PLXNA4: variants seen among roughly 807,000 people sequenced by gnomAD.
PLXNA4 encodes the protein plexin-A4.
In PLXNA4, 44 loss-of-function variants were observed where a neutral mutation model predicts 191.8. That is an observed-to-expected ratio of 0.23 (90% CI 0.18 to 0.29). The LOEUF is 0.29. Ranked by LOEUF, PLXNA4 falls within the 10% of genes least tolerant of loss-of-function variation. PLXNA4 has a pLI of 1.00. For missense variants in PLXNA4, 1,800 were observed against 2,488.8 expected (o/e 0.72, Z 5.89); for synonymous variants, 1,082 against 1,009.5 (o/e 1.07, Z -1.36).
chr7:132,246,458 C>T (rs970518749), intron 4 of PLXNA4, among the ~76,000 whole-genome samples: 1 of 152,168 alleles, frequency 6.6e-6, no homozygotes, highest in African/African-American at 2.4e-5. Context: ...TACCTCTCAC[C>T]CATTCCAAAA....
Position 132,143,956 on chromosome 7 carries a change from G to A in PLXNA4, c.5225+1163C>T, listed in dbSNP as rs11979565. On this transcript the variant is annotated intron_variant, in intron 29 of 31. Coordinates refer to ENST00000321063, the MANE Select transcript of PLXNA4 (RefSeq NM_020911.2). ...TTCAGCAGGGATAGTCTCTTCTCCC[G>A]GTGAAGAGGATGAGGAGCCAGAGTA... is the stretch of plus-strand genomic sequence containing the variant. Among the ~76,000 whole-genome samples the A allele has an allele frequency of 9.1e-3, 1,390 of 152,262 alleles. 24 individuals are homozygous for A. The highest frequency in any genetic ancestry group is 0.029 in the African/African-American group (1,218 of 41,532).
intron 7 of PLXNA4, among the ~76,000 whole-genome samples, chr7:132,226,652 T>C (rs1798334554): frequency 6.6e-6 from 1 of 152,180 alleles, no homozygotes; most frequent in South Asian, 2.1e-4. Context: ...CATGTATGTG[T>C]GTGTATGCAT....
chr7:132,378,729 T>G (rs1204708371), intron 3 of PLXNA4, among the ~76,000 whole-genome samples: 1 of 152,170 alleles, frequency 6.6e-6, no homozygotes, highest in Non-Finnish European at 1.5e-5. Flanking sequence ...ACCTCTGATA[T>G]TCTTTGAGCT....
chr7:132,254,895 G>C (rs191659187), intron 4 of PLXNA4, among the ~76,000 whole-genome samples: 21 of 152,286 alleles, frequency 1.4e-4, no homozygotes, highest in Admixed American at 7.8e-4. Context: ...GCTATATTTA[G>C]ACTAGGGGTT....
chr7:132,612,900 G>T (rs1355281757), intron 2 of PLXNA4, among the ~76,000 whole-genome samples: 1 of 151,752 alleles, frequency 6.6e-6, no homozygotes, highest in Non-Finnish European at 1.5e-5. Flanking sequence ...TATCAAAAGG[G>T]CATCAAAATG....
At chr7:132,566,183 G>A (rs1035645375) in intron 1 of PLXNA4, among the ~76,000 whole-genome samples, 1 of 152,122 alleles carries the variant, frequency 6.6e-6, no homozygotes, top group African/African-American at 2.4e-5. Context: ...GCATGGGGGG[G>A]CTCTATAATT....
At chr7:132,285,027 T>C (rs1800631765) in intron 4 of PLXNA4, among the ~76,000 whole-genome samples, 1 of 152,158 alleles carries the variant, frequency 6.6e-6, no homozygotes, top group Non-Finnish European at 1.5e-5. Context: ...GGTGGATTTT[T>C]TTTCAATAAA....
chr7:132,585,496 T>C (rs532814853), intron 2 of PLXNA4, among the ~76,000 whole-genome samples: 227 of 152,060 alleles, frequency 1.5e-3, no homozygotes, highest in Middle Eastern at 3.4e-3. Flanking sequence ...AAAGTGACCA[T>C]TGGATCACTA....
chr7:132,614,903 T>C (rs59067524), intron 2 of PLXNA4, among the ~76,000 whole-genome samples: 4,839 of 152,118 alleles, frequency 0.032, 468 homozygotes, highest in East Asian at 0.27. Context: ...GAAGGTCGCC[T>C]GTGTCCCGCC....
At chr7:132,323,695 G>C (rs10244929) in intron 3 of PLXNA4, among the ~76,000 whole-genome samples, 9,336 of 152,224 alleles carry the variant, frequency 0.061, 342 homozygotes, top group African/African-American at 0.082. Flanking sequence ...TTAGACTATA[G>C]CCATGCTTCT....
At chr7:132,353,610 A>T (rs1803577961) in intron 3 of PLXNA4, among the ~76,000 whole-genome samples, 1 of 152,142 alleles carries the variant, frequency 6.6e-6, no homozygotes, top group Non-Finnish European at 1.5e-5. Flanking sequence ...ACTTTCCTGA[A>T]GCTCGAGGAA....
chr7:132,500,803 T>C (rs1470661449), intron 2 of PLXNA4, among the ~76,000 whole-genome samples: 1 of 152,180 alleles, frequency 6.6e-6, no homozygotes, highest in Non-Finnish European at 1.5e-5. Flanking sequence ...CCGGACTCTT[T>C]ATTAAAAGGA....
Position 132,133,339 on chromosome 7 carries a change from G to T in PLXNA4, c.5439-140C>A. The T allele has an allele frequency of 3.6e-6, 5 of 1,389,922 alleles. No individual in the cohort carries two copies. The South Asian group carries it at 4.3e-5, about 12-fold the overall frequency. 86.1% of individuals were successfully genotyped at this position (1,389,922 alleles called of 1,614,324 possible). A position where few individuals can be genotyped will look rare whatever the true frequency, so the allele number is the denominator to read the frequency against. On this transcript the variant is annotated intron_variant, in intron 30 of 31. Transcript: ENST00000321063. The stretch of plus-strand genomic sequence containing the variant: ...GGGTACTTGTGCTGTGGCCACCTGG[G>T]GACCACTGTGGTCTCTCTCTCATCT...
intron 3 of PLXNA4, among the ~76,000 whole-genome samples, chr7:132,365,364 T>TGTGTGC (rs1554424583): frequency 1.7e-4 from 25 of 147,320 alleles, no homozygotes; most frequent in African/African-American, 6.1e-4. Context: ...TGTGTGTGCG[T>TGTGTGC]GCGCGCGCAT....
rs1329410548 is a variant in PLXNA4 at position 132,508,193 on chromosome 7, G to C, written c.501C>G (p.Gly167=). The stretch of plus-strand genomic sequence containing the variant: ...AGGAGACGATCACTCCAAAGACTGA[G>C]CCGCTCTCGTTGACACCTGACAGAT... ...EHYLSGVNES[G]SVFGVIVSYS... is the part of the protein sequence containing the mutation. The change falls in exon 2 of 32, where the codon GGC becomes GGG. Residue 167 remains glycine (G), a synonymous_variant. Transcript: ENST00000321063. This position sits in a 1 kb window ranked among gnomAD's most constrained non-coding sequence, Gnocchi z 4.4. The C allele has an allele frequency of 6.2e-7, 1 of 1,614,192 alleles. No individual in the cohort carries two copies.
intron 5 of PLXNA4, among the ~76,000 whole-genome samples, chr7:132,238,813 GA>G (rs373258825): frequency 4.4e-4 from 67 of 151,148 alleles, no homozygotes; most frequent in African/African-American, 6.1e-4. Flanking sequence ...AGAGTCACAA[GA>G]GGGGGGGGGG....
At chr7:132,132,915 A>G in intron 31 of PLXNA4, 134 bp downstream of exon 31, 5 of 1,298,232 alleles carry the variant, frequency 3.9e-6, no homozygotes, top group South Asian at 1.6e-5. Flanking sequence ...TCACAGCCCC[A>G]GGTCCTCAGT....
At chr7:132,384,353 C>T (rs1585062215) in intron 3 of PLXNA4, 1 of 985,324 alleles carries the variant, frequency 1.0e-6, no homozygotes, top group South Asian at 4.7e-5. Flanking sequence ...TCCCAGTAAG[C>T]TAGTAGAAAT....
At chr7:132,454,772 G>A (rs1796253319) in intron 3 of PLXNA4, among the ~76,000 whole-genome samples, 2 of 152,068 alleles carry the variant, frequency 1.3e-5, no homozygotes, top group African/African-American at 4.8e-5. Flanking sequence ...ACAAGGAGAA[G>A]ACAGCCAAAG....
Sources: allele counts gnomAD v4.1 joint callset (sites outside exome capture counted in the v4.1 genomes callset), GRCh38; gene constraint gnomAD v4.1.1; non-coding constraint Gnocchi (gnomAD v3.1); transcripts MANE v1.5; gene names NCBI Gene and HGNC (gene_info 2026-07-23, HGNC 2026-07-21).